Variants in SRFBP1 observed in about 807,000 individuals in gnomAD.
SRFBP1 encodes serum response factor binding protein 1.
In SRFBP1, 47 loss-of-function variants were observed where a neutral mutation model predicts 45.5. That is an observed-to-expected ratio of 1.03 (90% CI 0.82 to 1.32). The LOEUF (loss-of-function observed/expected upper bound fraction) is 1.32. Among genes scored for constraint, SRFBP1 ranks in the 40% most tolerant of loss-of-function variants. The probability of loss-of-function intolerance (pLI) is 0.00; values close to 1 mark genes in which losing one functional copy is unlikely to be tolerated. For synonymous variants in SRFBP1, 203 were observed against 166.3 expected, an observed-to-expected ratio of 1.22 and a Z score of -1.70; for missense variants, 621 against 484.6, an observed-to-expected ratio of 1.28 and a Z score of -2.64.
chr5:122,078,575 C>A (rs1279135390), downstream of SRFBP1, among the ~76,000 whole-genome samples: 1 of 152,114 alleles, frequency 6.6e-6, no homozygotes, highest in Non-Finnish European at 1.5e-5. Context: ...CATGGGGCGA[C>A]GCCAAAATAT....
chr5:121,972,389 A>T (rs1239580898), intron 1 of SRFBP1, among the ~76,000 whole-genome samples: 1 of 151,902 alleles, frequency 6.6e-6, no homozygotes, highest in African/African-American at 2.4e-5. Flanking sequence ...AGACTAGAGG[A>T]TTTAGGAGAG....
chr5:122,051,664 T>C (rs1436961641), intron 2 of SRFBP1, among the ~76,000 whole-genome samples: 1 of 152,088 alleles, frequency 6.6e-6, no homozygotes, highest in Non-Finnish European at 1.5e-5. Context: ...GCATGTGAGA[T>C]TGGTTTCTTG....
intron 4 of SRFBP1, among the ~76,000 whole-genome samples, chr5:122,009,348 G>C (rs902034051): frequency 1.3e-5 from 2 of 152,046 alleles, no homozygotes; most frequent in African/African-American, 4.8e-5. Flanking sequence ...TTTGTTAATA[G>C]TGTCTTTGAT....
intron 1 of SRFBP1, among the ~76,000 whole-genome samples, chr5:121,969,890 G>C (rs1419165752): frequency 1.3e-5 from 2 of 151,960 alleles, no homozygotes; most frequent in South Asian, 4.1e-4. Context: ...CTATGCCTCT[G>C]TTTTCTCTGT....
At chr5:122,014,374 CACT>C (rs780168029) in intron 4 of SRFBP1, among the ~76,000 whole-genome samples, 2 of 152,052 alleles carry the variant, frequency 1.3e-5, no homozygotes, top group African/African-American at 2.4e-5. Flanking sequence ...TCCTTTGACT[CACT>C]GCTGCTACAT....
intron 1 of SRFBP1, 114 bp from the exon 2 acceptor site, chr5:121,974,082 A>G: frequency 1.6e-6 from 1 of 644,660 alleles, no homozygotes. Context: ...ATATAGTTAG[A>G]CAATAAAAGT....
chr5:122,057,103 T>C (rs1275713337), intron 2 of SRFBP1, among the ~76,000 whole-genome samples: 1 of 152,222 alleles, frequency 6.6e-6, no homozygotes, highest in Non-Finnish European at 1.5e-5. Context: ...CTTAGCTTTC[T>C]TGTCTTTCCA....
chr5:122,046,146 A>G (rs576607104), intron 2 of SRFBP1, among the ~76,000 whole-genome samples: 1 of 152,196 alleles, frequency 6.6e-6, no homozygotes, highest in East Asian at 1.9e-4. Flanking sequence ...TGCTGCACCC[A>G]TTAACTCGTT....
At chr5:122,026,828 C>A in intron 7 of SRFBP1, 114 bp from the exon 8 acceptor site, 2 of 701,538 alleles carry the variant, frequency 2.9e-6, no homozygotes, top group Non-Finnish European at 2.2e-6. Flanking sequence ...TGAAATATTC[C>A]ATTTAAGAAA....
At chr5:121,967,214 T>C (rs1348408883) in intron 1 of SRFBP1, among the ~76,000 whole-genome samples, 2 of 152,180 alleles carry the variant, frequency 1.3e-5, no homozygotes, top group Admixed American at 6.5e-5. Flanking sequence ...CTCCACATAT[T>C]GTAAAACATA....
chr5:121,966,748 A>G (rs891481666), intron 1 of SRFBP1, among the ~76,000 whole-genome samples: 3 of 152,036 alleles, frequency 2.0e-5, no homozygotes, highest in Non-Finnish European at 2.9e-5. Context: ...GCCTATATGT[A>G]CAACTGACAT....
At chr5:122,075,398 A>G (rs767525042) in exon 3 of SRFBP1, 35 of 1,600,458 alleles carry the variant, frequency 2.2e-5, no homozygotes, top group Non-Finnish European at 2.9e-5. Flanking sequence ...AGGCCCATTT[A>G]CTTACTGATG....
chr5:121,973,598 G>A (rs1347592050), intron 1 of SRFBP1, among the ~76,000 whole-genome samples: 1 of 143,300 alleles, frequency 7.0e-6, no homozygotes, highest in African/African-American at 2.6e-5. Flanking sequence ...GTATTTGTAT[G>A]TGTGTGCATG....
chr5:121,997,162 T>C (rs1216291933), intron 4 of SRFBP1, among the ~76,000 whole-genome samples: 1 of 146,296 alleles, frequency 6.8e-6, no homozygotes, highest in Non-Finnish European at 1.5e-5. Context: ...TGGAAAAAAC[T>C]ACTTTAAAGT....
intron 3 of SRFBP1, among the ~76,000 whole-genome samples, chr5:121,993,206 G>C (rs1189847982): frequency 1.3e-5 from 2 of 151,930 alleles, no homozygotes; most frequent in African/African-American, 2.4e-5. Context: ...TAATATTTCT[G>C]AAAGACCACA....
intron 2 of SRFBP1, among the ~76,000 whole-genome samples, chr5:122,035,323 G>A (rs1580538295): frequency 6.6e-6 from 1 of 152,092 alleles, no homozygotes; most frequent in African/African-American, 2.4e-5. Flanking sequence ...ATATCTATGA[G>A]CCTAAGATTA....
intron 4 of SRFBP1, among the ~76,000 whole-genome samples, chr5:122,014,450 CGGT>C: frequency 6.6e-6 from 1 of 152,128 alleles, no homozygotes; most frequent in Non-Finnish European, 1.5e-5. Context: ...TTATGCAACA[CGGT>C]GGCCCTTTTC....
chr5:121,969,200 G>T (rs1202758846), intron 1 of SRFBP1, among the ~76,000 whole-genome samples: 1 of 152,150 alleles, frequency 6.6e-6, no homozygotes, highest in Non-Finnish European at 1.5e-5. Flanking sequence ...GAGAAAGCTA[G>T]TTTATTAAAA....
At chr5:122,077,772 G>C, downstream of SRFBP1, 1 of 1,549,560 alleles carries the variant, frequency 6.5e-7, no homozygotes, top group East Asian at 2.4e-5. The surrounding 1 kb of genome is among the most constrained non-coding windows in gnomAD (Gnocchi z 4.9). Flanking sequence ...GCGGCGCCCG[G>C]GTCCCGGCGG....
Sources: allele counts gnomAD v4.1 joint callset (sites outside exome capture counted in the v4.1 genomes callset), GRCh38; gene constraint gnomAD v4.1.1; non-coding constraint Gnocchi (gnomAD v3.1); transcripts MANE v1.5; gene names NCBI Gene and HGNC (gene_info 2026-07-23, HGNC 2026-07-21).